Variants in RB1 observed in about 807,000 individuals in gnomAD.
RB1 encodes the protein retinoblastoma-associated protein.
A neutral mutation model predicts 135.4 loss-of-function variants in RB1; 18 were observed. The observed-to-expected ratio is 0.13, with a 90% confidence interval of 0.09 to 0.20. RB1 has a LOEUF of 0.20. RB1 is among the 10% of genes least tolerant of loss of function. The probability of loss-of-function intolerance (pLI) is 1.00; values close to 1 mark genes in which losing one functional copy is unlikely to be tolerated. For missense variants in RB1, 868 were observed against 1,110.0 expected (o/e 0.78, Z 3.10); for synonymous variants, 365 against 373.2 (o/e 0.98, Z 0.25).
At chr13:48,459,085 C>G (rs148031641) in intron 19 of RB1, among the ~76,000 whole-genome samples, 1 of 152,236 alleles carries the variant, frequency 6.6e-6, no homozygotes, top group East Asian at 1.9e-4. Flanking sequence ...TTGGGTTTGT[C>G]TAATTTTACA....
At chr13:48,409,311 AC>A (rs1477960895) in intron 17 of RB1, among the ~76,000 whole-genome samples, 5 of 149,244 alleles carry the variant, frequency 3.4e-5, no homozygotes, top group African/African-American at 1.2e-4. Flanking sequence ...CCTAAAGAAA[AC>A]CCCCCACTGT....
chr13:48,387,150 G>T (rs540625833), intron 17 of RB1, among the ~76,000 whole-genome samples: 17 of 152,154 alleles, frequency 1.1e-4, no homozygotes, highest in Middle Eastern at 3.4e-3. Flanking sequence ...ATGTAGAAGC[G>T]GATAGGAAAA....
At chr13:48,414,766 A>G (rs1948879048) in intron 17 of RB1, among the ~76,000 whole-genome samples, 2 of 152,220 alleles carry the variant, frequency 1.3e-5, no homozygotes, top group African/African-American at 2.4e-5. Flanking sequence ...TAGAAAATTC[A>G]TCTATTATCA....
chr13:48,328,737 A>G (rs556758418), intron 2 of RB1, among the ~76,000 whole-genome samples: 1 of 152,220 alleles, frequency 6.6e-6, no homozygotes, highest in South Asian at 2.1e-4. Flanking sequence ...AGAAATAGAT[A>G]CAAGAAGGAT....
intron 17 of RB1, among the ~76,000 whole-genome samples, chr13:48,422,997 G>T (rs1949028510): frequency 6.6e-6 from 1 of 152,064 alleles, no homozygotes; most frequent in Non-Finnish European, 1.5e-5. Flanking sequence ...AAGTGTGGTG[G>T]TGGGCACCTG....
intron 13 of RB1, 150 bp downstream of exon 13, chr13:48,377,184 A>G (rs1178526878): frequency 2.0e-5 from 16 of 795,020 alleles, no homozygotes; most frequent in African/African-American, 3.5e-5. Flanking sequence ...GTATGCTGCT[A>G]TTTATGGGTA....
chr13:48,411,261 A>C (rs1948794117), intron 17 of RB1: 1 of 782,566 alleles, frequency 1.3e-6, no homozygotes, highest in Admixed American at 1.9e-5. Flanking sequence ...TTTTCTTTAT[A>C]CTAAAGACTT....
At chr13:48,384,135 A>G (rs996480459) in intron 17 of RB1, among the ~76,000 whole-genome samples, 1 of 152,142 alleles carries the variant, frequency 6.6e-6, no homozygotes, top group Non-Finnish European at 1.5e-5. Context: ...AAAAAGTGAC[A>G]AGCCCCAAAT....
intron 24 of RB1, among the ~76,000 whole-genome samples, chr13:48,476,072 AC>A (rs1949502454): frequency 1.3e-5 from 2 of 152,374 alleles, no homozygotes; most frequent in African/African-American, 4.8e-5. Context: ...AAATAGATTT[AC>A]CATCAAAACC....
intron 7 of RB1, 157 bp downstream of exon 7, chr13:48,360,284 A>T: frequency 7.0e-7 from 1 of 1,433,382 alleles, no homozygotes; most frequent in Non-Finnish European, 9.2e-7. Flanking sequence ...AGAAGGAAAG[A>T]TAAGACATGG....
intron 17 of RB1, among the ~76,000 whole-genome samples, chr13:48,431,299 T>G (rs1949127315): frequency 6.6e-6 from 1 of 152,230 alleles, no homozygotes; most frequent in South Asian, 2.1e-4. Flanking sequence ...ACTATACATT[T>G]GATTAGACTT....
chr13:48,339,395 G>T (rs557508179), intron 2 of RB1, among the ~76,000 whole-genome samples: 2 of 152,154 alleles, frequency 1.3e-5, no homozygotes, highest in African/African-American at 2.4e-5. Flanking sequence ...TCCTAGCCTC[G>T]CTACTGCCTT....
chr13:48,412,537 T>C, intron 17 of RB1: 1 of 756,508 alleles, frequency 1.3e-6, no homozygotes, highest in Non-Finnish European at 2.4e-6. Flanking sequence ...TATCTGGATC[T>C]TTGGATGGTT....
At position 48,368,516 on chromosome 13, in the gene RB1, T is replaced by C. The variant is rs201410490; in HGVS notation, c.1050-11T>C. 17 of 1,612,786 alleles carry C rather than the reference T, an allele frequency of 1.1e-5. No homozygotes were observed. The highest frequency in any genetic ancestry group is 1.3e-5 in the Non-Finnish European group (15 of 1,179,456). On this transcript the variant is annotated splice_polypyrimidine_tract_variant and intron_variant, in intron 10 of 26. Transcript: ENST00000267163. ...TTCAGTATGTGAATGACTTCACTTA[T>C]TGTTATTTAGTTTTGAAACACAGAG...
intron 17 of RB1, among the ~76,000 whole-genome samples, chr13:48,423,277 T>C (rs1949032433): frequency 6.6e-6 from 1 of 152,186 alleles, no homozygotes; most frequent in African/African-American, 2.4e-5. Context: ...GTTTTTGTTT[T>C]TGTTTTTGTG....
At chr13:48,387,071 C>T (rs1179069525) in intron 17 of RB1, among the ~76,000 whole-genome samples, 1 of 152,168 alleles carries the variant, frequency 6.6e-6, no homozygotes, top group Non-Finnish European at 1.5e-5. Flanking sequence ...AAGTACTCCT[C>T]CTCTTTCCAT....
At chr13:48,422,888 C>A in intron 17 of RB1, 1 of 152,310 alleles carries the variant, frequency 6.6e-6, no homozygotes, top group Non-Finnish European at 1.5e-5. Flanking sequence ...CACCTATAAT[C>A]CCAACACTTT....
intron 23 of RB1, among the ~76,000 whole-genome samples, chr13:48,466,555 G>A (rs986401130): frequency 2.4e-4 from 36 of 152,162 alleles, no homozygotes; most frequent in Admixed American, 1.4e-3. Context: ...AAAGTTGGAC[G>A]GAGAATGACT....
At chr13:48,339,729 T>C (rs367702941) in intron 2 of RB1, among the ~76,000 whole-genome samples, 186 of 152,288 alleles carry the variant, frequency 1.2e-3, no homozygotes, top group African/African-American at 4.0e-3. Flanking sequence ...GGTACCTCAG[T>C]TGGAAATGCA....
Sources: gnomAD v4.1 joint callset for allele counts (sites outside exome capture counted in the v4.1 genomes callset) on GRCh38, gnomAD v4.1.1 for gene constraint, MANE v1.5 for transcripts, NCBI Gene and HGNC (gene_info 2026-07-23, HGNC 2026-07-21) for gene names.